The following UTP4 variants were observed in gnomAD, a reference collection of about 807,000 sequenced individuals.
UTP4 encodes U3 small nucleolar RNA-associated protein 4 homolog.
A neutral mutation model predicts 82.4 loss-of-function variants in UTP4; 45 were observed. The observed-to-expected ratio is 0.55, with a 90% CI of 0.43 to 0.70. The LOEUF is 0.70. Ranked by LOEUF, UTP4 falls within the 30% of genes least tolerant of loss-of-function variation. The pLI, the probability that UTP4 is intolerant of heterozygous loss-of-function variation, is 0.00. For missense variants in UTP4, 819 were observed against 858.3 expected, an observed-to-expected ratio of 0.95 and a Z score of 0.57; for synonymous variants, 348 against 300.3, an observed-to-expected ratio of 1.16 and a Z score of -1.64.
At chr16:69,164,174 G>C (rs910132594) in intron 14 of UTP4, among the ~76,000 whole-genome samples, 5 of 152,100 alleles carry the variant, frequency 3.3e-5, no homozygotes, top group Admixed American at 2.6e-4. Flanking sequence ...TTGAGCCACC[G>C]CGCCCGGCTG....
At chr16:69,145,654 T>C (rs1963090579) in intron 6 of UTP4, among the ~76,000 whole-genome samples, 1 of 152,062 alleles carries the variant, frequency 6.6e-6, no homozygotes. Context: ...TGTCCACTTT[T>C]GTCTTAGGCT....
At chr16:69,153,727 G>A (rs1963338409) in intron 9 of UTP4, 47 bp downstream of exon 9, 1 of 1,296,314 alleles carries the variant, frequency 7.7e-7, no homozygotes, top group African/African-American at 1.5e-5. Flanking sequence ...GGAGAGAGAA[G>A]CCAGAAATCA....
intron 12 of UTP4, among the ~76,000 whole-genome samples, chr16:69,158,981 T>G (rs1194796370): frequency 1.3e-5 from 2 of 152,208 alleles, no homozygotes; most frequent in Non-Finnish European, 2.9e-5. Context: ...CCCTTAGTGC[T>G]AAATACACAG....
At chr16:69,143,140 T>C in intron 5 of UTP4, 38 bp from the exon 6 acceptor site, 2 of 1,600,326 alleles carry the variant, frequency 1.2e-6, no homozygotes, top group East Asian at 4.5e-5. Context: ...GACAGAGAAA[T>C]AAGTACCATT....
chr16:69,137,846 G>C lies in UTP4; in HGVS notation c.397G>C (p.Asp133His). The C allele has an allele frequency of 6.2e-7, 1 of 1,613,400 alleles. No homozygotes were observed. Among genetic ancestry groups the C allele is most frequent in the Non-Finnish European group, 8.5e-7 (1 of 1,179,364 alleles). ...GSVKLFQITPDKIQFERNFDR... is the reference protein window; with the variant it reads ...GSVKLFQITPHKIQFERNFDR... The stretch of plus-strand genomic sequence containing the variant: ...TGTGAAACTATTTCAAATTACCCCA[G>C]ACAAAATCCAGTTTGAAAGAAATTT... The change falls in exon 4 of 17, where the codon GAC becomes CAC. Residue 133 changes from aspartate (D) to histidine (H), a missense_variant. Physicochemically the swap from Asp to His is moderately conservative, Grantham distance 81 (BLOSUM62 -1). Coordinates refer to ENST00000314423, the MANE Select transcript of UTP4 (RefSeq NM_032830.3).
intron 3 of UTP4, 63 bp from the exon 4 acceptor site, chr16:69,137,738 G>T: frequency 1.2e-6 from 1 of 860,186 alleles, no homozygotes; most frequent in South Asian, 1.3e-5. Flanking sequence ...GTGTGTGTGT[G>T]TGTTTAGTCC....
chr16:69,162,538 C>T (rs1432535691), intron 13 of UTP4, among the ~76,000 whole-genome samples: 7 of 151,678 alleles, frequency 4.6e-5, no homozygotes, highest in Admixed American at 4.6e-4. Context: ...ATGGTGAAAC[C>T]CCGTCTCTAC....
Position 69,139,675 on chromosome 16 carries a change from TAAATAAATA to T in UTP4, c.437-145_437-137del, listed in dbSNP as rs769276522. The stretch of plus-strand genomic sequence containing the variant: ...ATAAATAAATAAATAAATAAATAAA[TAAATAAATA>T]AAATGGTGCTTCAAGGAGTACTATA... On this transcript the variant is annotated intron_variant, in intron 4 of 16. Transcript: ENST00000314423. The T allele has an allele frequency of 1.7e-3, 494 of 292,718 alleles. 1 individual carries two copies. Among genetic ancestry groups the T allele is most frequent in the Middle Eastern group, 3.2e-3 (3 of 930 alleles). The allele number at this position is 292,718 out of a possible 1,614,324, so 18.1% of individuals were successfully genotyped here.
chr16:69,161,462 G>A (rs1454509794), intron 13 of UTP4, among the ~76,000 whole-genome samples: 1 of 152,230 alleles, frequency 6.6e-6, no homozygotes, highest in Non-Finnish European at 1.5e-5. Context: ...CATTTAAAGA[G>A]TGTTTGTGTG....
chr16:69,160,310 G>A (rs567981794), intron 12 of UTP4, 46 bp from the exon 13 acceptor site: 10 of 1,476,214 alleles, frequency 6.8e-6, no homozygotes, highest in South Asian at 1.1e-5. Flanking sequence ...AGGTCTGGCT[G>A]TGGACACTGT....
At chr16:69,167,497 A>G (rs979471094) in intron 16 of UTP4, 4 of 354,960 alleles carry the variant, frequency 1.1e-5, no homozygotes, top group African/African-American at 2.1e-5. Context: ...GGAGTGTTCC[A>G]TAGGATAAAT....
chr16:69,168,187 A>G (rs1235753133), intron 16 of UTP4, among the ~76,000 whole-genome samples: 1 of 151,986 alleles, frequency 6.6e-6, no homozygotes, highest in Non-Finnish European at 1.5e-5. Context: ...CTGTAATCCC[A>G]GCACTTTGGG....
At chr16:69,135,720 A>T (rs565365398) in intron 2 of UTP4, among the ~76,000 whole-genome samples, 7 of 152,274 alleles carry the variant, frequency 4.6e-5, no homozygotes, top group East Asian at 1.9e-4. Context: ...TGTGTCAAAA[A>T]AAATAAATAA....
intron 15 of UTP4, 40 bp downstream of exon 15, chr16:69,165,566 T>C (rs1336286758): frequency 6.5e-7 from 1 of 1,548,104 alleles, no homozygotes. Context: ...TTCTTCTGAA[T>C]CTTAAAGTTC....
At chr16:69,133,895 A>T (rs1962729384) in intron 2 of UTP4, among the ~76,000 whole-genome samples, 1 of 152,210 alleles carries the variant, frequency 6.6e-6, no homozygotes, top group African/African-American at 2.4e-5. Context: ...CAGGAAGGGA[A>T]ATTGTTGGTA....
intron 16 of UTP4, 93 bp from the exon 17 acceptor site, chr16:69,168,728 C>G: frequency 1.2e-6 from 1 of 839,768 alleles, no homozygotes; most frequent in Non-Finnish European, 2.1e-6. Flanking sequence ...CTAGGCTAAC[C>G]TTTTAGCTTA....
At chr16:69,142,269 C>G (rs1597136336) in intron 5 of UTP4, 3 of 152,202 alleles carry the variant, frequency 2.0e-5, no homozygotes, top group African/African-American at 7.2e-5. Flanking sequence ...CAGTTATGTT[C>G]CTCAGAAATG....
chr16:69,133,366 C>T, intron 1 of UTP4, 92 bp from the exon 2 acceptor site: 2 of 1,286,690 alleles, frequency 1.6e-6, no homozygotes, highest in South Asian at 2.5e-5. Flanking sequence ...TTGGAGCCTT[C>T]CAGCCAGAAC....
Position 69,156,152 on chromosome 16 carries a change from TTC to T in UTP4, c.1287+161_1287+162del, listed in dbSNP as rs1426867808. Among the ~76,000 whole-genome samples, 415 of 137,038 alleles carry T rather than the reference TTC, an allele frequency of 3.0e-3. 1 individual carries two copies. Among genetic ancestry groups the T allele is most frequent in the African/African-American group, 0.012 (412 of 34,368 alleles). 89.9% of individuals were successfully genotyped at this position (137,038 alleles called of 152,430 possible). On this transcript the variant is annotated intron_variant, in intron 11 of 16. Transcript: ENST00000314423. ...ATGAAACAGTGTTTTATTTCTTTCT[TTC>T]TTTTTTTTTTTTTTTTTGAGACGGA... is the stretch of plus-strand genomic sequence containing the variant.
Sources: allele counts gnomAD v4.1 joint callset (sites outside exome capture counted in the v4.1 genomes callset), GRCh38; gene constraint gnomAD v4.1.1; transcripts MANE v1.5; gene names NCBI Gene and HGNC (gene_info 2026-07-23, HGNC 2026-07-21).